Variants in HSF4 observed in about 807,000 individuals in gnomAD.
HSF4 encodes heat shock transcription factor 4.
In HSF4, 41 loss-of-function variants were observed where a neutral mutation model predicts 52.0. The observed-to-expected ratio is 0.79, with a 90% CI of 0.61 to 1.02. The LOEUF (loss-of-function observed/expected upper bound fraction) is 1.02, where lower values mean the gene tolerates loss of function less well. Among genes scored for constraint, HSF4 ranks in the 50% least tolerant of loss-of-function variants. The pLI is 0.00. For synonymous variants in HSF4, 285 were observed against 273.0 expected, an observed-to-expected ratio of 1.04 and a Z score of -0.43; for missense variants, 610 against 651.1, an observed-to-expected ratio of 0.94 and a Z score of 0.69.
rs894187661 is a variant in HSF4 at position 67,165,251 on chromosome 16, C to A, written c.124-271C>A. On this transcript the variant is annotated intron_variant, in intron 1 of 12. Coordinates refer to ENST00000521374, the MANE Select transcript of HSF4 (RefSeq NM_001374675.1). This position sits in a 1 kb window ranked among gnomAD's most constrained non-coding sequence, Gnocchi z 6.9. ...GCTGGTCTAGCTCAGGGTCACATTGCGGGGCTGGGAACCCCGTCAGCCTCT... is the reference window on the plus strand; with the variant it reads ...GCTGGTCTAGCTCAGGGTCACATTGAGGGGCTGGGAACCCCGTCAGCCTCT... 1.7e-6 allele frequency: 1 copy of A among 594,508 alleles called. No homozygotes were observed. Among genetic ancestry groups the A allele is most frequent in the Non-Finnish European group, 3.0e-6 (1 of 334,072 alleles). 36.8% of individuals were successfully genotyped at this position (594,508 alleles called of 1,614,324 possible).
upstream of HSF4, chr16:67,163,778 C>G: frequency 6.4e-7 from 1 of 1,570,772 alleles, no homozygotes; most frequent in South Asian, 1.2e-5. Context: ...CCCTCAAGCT[C>G]ACGCGCGAGC....
At position 67,169,733 on chromosome 16, in the gene HSF4, C is replaced by A; in HGVS notation, c.1427C>A (p.Pro476His). The change falls in exon 13 of 13, where the codon CCT becomes CAT. Residue 476 changes from proline (P) to histidine (H), a missense_variant. Pro to His is a moderately conservative substitution (Grantham distance 77). Coordinates refer to ENST00000521374, the MANE Select transcript of HSF4 (RefSeq NM_001374675.1). This position sits in a 1 kb window ranked among gnomAD's most constrained non-coding sequence, Gnocchi z 4.3. ...LPGALTIYST[P>H]ESRTASYLGP... Reference sequence around the variant, plus strand: ...GGGGCTTTAACCATTTATAGCACTCCTGAGAGCCGGACTGCCTCCTACTTG... The same window carrying A: ...GGGGCTTTAACCATTTATAGCACTCATGAGAGCCGGACTGCCTCCTACTTG... 1 of 1,613,134 alleles carries A rather than the reference C, an allele frequency of 6.2e-7. No homozygotes were observed. Among genetic ancestry groups the A allele is most frequent in the South Asian group, 1.1e-5 (1 of 91,084 alleles).
chr16:67,169,934 T>C lies in HSF4; in HGVS notation c.*149T>C. The C allele has an allele frequency of 1.3e-6, 1 of 745,682 alleles. No individual in the cohort carries two copies. Among genetic ancestry groups the C allele is most frequent in the Middle Eastern group, 3.4e-4 (1 of 2,962 alleles). The allele number at this position is 745,682 out of a possible 1,614,324, so 46.2% of individuals were successfully genotyped here. On this transcript the variant is annotated 3_prime_UTR_variant, in exon 13 of 13. Coordinates refer to ENST00000521374, the MANE Select transcript of HSF4 (RefSeq NM_001374675.1). The surrounding 1 kb of genome is among the most constrained non-coding windows in gnomAD (Gnocchi z 4.3). ...GACTATCCCTGCACATAAACTCCGT[T>C]TTTTTTTTTTCTGTTTCTGGTCTCT...
In HSF4 at chr16:67,169,770, C is replaced by T. The variant is rs1284833196; in HGVS notation, c.1464C>T (p.Ala488=). ...SRTASYLGPE[A]SPSP ...CTGCCTCCTACTTGGGCCCGGAAGC[C>T]AGTCCCTCCCCCTAAGACCCCGCGC... is the stretch of plus-strand genomic sequence containing the variant. Residue 488 remains alanine, a synonymous_variant, in exon 13 of 13, where the codon GCC becomes GCT. Transcript: ENST00000521374. This position sits in a 1 kb window ranked among gnomAD's most constrained non-coding sequence, Gnocchi z 4.3. The T allele has an allele frequency of 1.2e-6, 2 of 1,613,026 alleles. No individual in the cohort carries two copies. Among genetic ancestry groups the T allele is most frequent in the African/African-American group, 1.3e-5 (1 of 74,924 alleles).
chr16:67,165,220 G>A lies in HSF4; in HGVS notation c.123+286G>A, dbSNP rs947208597. The A allele has an allele frequency of 1.7e-6, 1 of 592,074 alleles. No individual in the cohort carries two copies. 36.7% of individuals were successfully genotyped at this position (592,074 alleles called of 1,614,324 possible). On this transcript the variant is annotated intron_variant, in intron 1 of 12. Transcript: ENST00000521374. The surrounding 1 kb of genome is among the most constrained non-coding windows in gnomAD (Gnocchi z 6.9). The stretch of plus-strand genomic sequence containing the variant: ...ATGGGAAAACAGAGGCCGGGAGATG[G>A]GAAGGGCTGGTCTAGCTCAGGGTCA...
chr16:67,169,619 C>T lies in HSF4; in HGVS notation c.1325-12C>T, dbSNP rs770021472. 1.2e-5 allele frequency: 19 copies of T among 1,605,196 alleles called. No individual in the cohort carries two copies. Among genetic ancestry groups the T allele is most frequent in the Non-Finnish European group, 1.6e-5 (19 of 1,179,932 alleles). On this transcript the variant is annotated splice_polypyrimidine_tract_variant and intron_variant, in intron 12 of 12. Transcript: ENST00000521374. The surrounding 1 kb of genome is among the most constrained non-coding windows in gnomAD (Gnocchi z 4.3). Reference sequence around the variant, plus strand: ...ACATTTCCCCTGGTGAGCGCAGTCCCACTTCTCCTAGGGAAGGACCCCACG... The same window carrying T: ...ACATTTCCCCTGGTGAGCGCAGTCCTACTTCTCCTAGGGAAGGACCCCACG...
Position 67,165,434 on chromosome 16 carries a change from C to G in HSF4, c.124-88C>G. Reference sequence around the variant, plus strand: ...CCAAGAGTGAGCATGAGTGTGTGCGCGCGCTGGAGCGCAGGACTGGCCGTG... The same window carrying G: ...CCAAGAGTGAGCATGAGTGTGTGCGGGCGCTGGAGCGCAGGACTGGCCGTG... On this transcript the variant is annotated intron_variant, in intron 1 of 12. Transcript: ENST00000521374. The surrounding 1 kb of genome is among the most constrained non-coding windows in gnomAD (Gnocchi z 6.9). 5 of 1,197,702 alleles carry G rather than the reference C, an allele frequency of 4.2e-6. No homozygotes were observed. Among genetic ancestry groups the G allele is most frequent in the African/African-American group, 1.5e-5 (1 of 66,568 alleles). The allele number at this position is 1,197,702 out of a possible 1,614,324, so 74.2% of individuals were successfully genotyped here.
intron 7 of HSF4, 96 bp downstream of exon 7, chr16:67,167,318 G>A (rs1183230219): frequency 1.2e-6 from 2 of 1,608,892 alleles, no homozygotes; most frequent in Non-Finnish European, 1.7e-6. Context: ...GAAGATGGAA[G>A]CCAGCCTTCC....
chr16:67,168,726 A>G lies in HSF4; in HGVS notation c.1083-105A>G, dbSNP rs370856763. ...GGAGAGAGGATGGGGATCCTCTCCT[A>G]TCATTTTCTAAAGATTGGGGGATTA... On this transcript the variant is annotated intron_variant, in intron 9 of 12. Transcript: ENST00000521374. 3.5e-6 allele frequency: 3 copies of G among 862,532 alleles called. No individual in the cohort carries two copies. In the Admixed American group the frequency reaches 5.3e-5, roughly 15 times the overall value. The allele number at this position is 862,532 out of a possible 1,614,324, so 53.4% of individuals were successfully genotyped here. A position where few individuals can be genotyped will look rare whatever the true frequency, so the allele number is the denominator to read the frequency against.
Position 67,169,241 on chromosome 16 carries a change from G to A in HSF4, c.1255-38G>A. Reference sequence around the variant, plus strand: ...TCCCAGCTGTCCCCCTCAGCTGCTAGGTCCCCTCCCCAGCTGCTCCCTGCG... The same window carrying A: ...TCCCAGCTGTCCCCCTCAGCTGCTAAGTCCCCTCCCCAGCTGCTCCCTGCG... On this transcript the variant is annotated intron_variant, in intron 11 of 12. Coordinates refer to ENST00000521374, the MANE Select transcript of HSF4 (RefSeq NM_001374675.1). The surrounding 1 kb of genome is among the most constrained non-coding windows in gnomAD (Gnocchi z 4.3). 6.2e-7 allele frequency: 1 copy of A among 1,612,112 alleles called. No individual in the cohort carries two copies.
rs1414986238 is a variant in HSF4 at position 67,166,575 on chromosome 16, T to C, written c.579T>C (p.Phe193=). The change falls in exon 6 of 13, where the codon TTT becomes TTC. Residue 193 remains phenylalanine, a synonymous_variant. Transcript: ENST00000521374. ...RVIGKLIQCL[F]GPLQAGPSNA... The stretch of plus-strand genomic sequence containing the variant: ...CTCTTCAGCTGATCCAGTGTCTCTT[T>C]GGGCCACTTCAGGCGGGGCCGAGCA... 3.1e-6 allele frequency: 5 copies of C among 1,613,806 alleles called. No individual in the cohort carries two copies. Among genetic ancestry groups the C allele is most frequent in the Non-Finnish European group, 4.2e-6 (5 of 1,179,988 alleles).
At position 67,169,693 on chromosome 16, in the gene HSF4, G is replaced by T. The variant is rs199510350; in HGVS notation, c.1387G>T (p.Ala463Ser). The change falls in exon 13 of 13, where the codon GCC becomes TCC. Residue 463 changes from alanine (A) to serine (S), a missense_variant. Transcript: ENST00000521374. This position sits in a 1 kb window ranked among gnomAD's most constrained non-coding sequence, Gnocchi z 4.3. ...LDVQAALGGPALGLPGALTIY... is the reference protein window; with the variant it reads ...LDVQAALGGPSLGLPGALTIY... The stretch of plus-strand genomic sequence containing the variant: ...TGTCCAGGCGGCCTTGGGAGGCCCA[G>T]CCCTGGGCCTGCCTGGGGCTTTAAC... 1.2e-6 allele frequency: 2 copies of T among 1,612,780 alleles called. No individual in the cohort carries two copies. The highest frequency in any genetic ancestry group is 1.7e-6 in the Non-Finnish European group (2 of 1,179,982).
Position 67,165,595 on chromosome 16 carries a change from G to C in HSF4, c.197G>C (p.Ser66Thr). The change falls in exon 2 of 13, where the codon AGC becomes ACC. Residue 66 changes from serine (S) to threonine (T), a missense_variant. Ser to Thr is a moderately conservative substitution (Grantham distance 58). Transcript: ENST00000521374. This position sits in a 1 kb window ranked among gnomAD's most constrained non-coding sequence, Gnocchi z 6.9. The part of the protein sequence containing the change: ...KEVLPQYFKH[S>T]NMASFVRQLN... ...GTGCTGCCCCAGTATTTCAAGCATAGCAACATGGCGAGCTTCGTGCGCCAA... is the reference window on the plus strand; with the variant it reads ...GTGCTGCCCCAGTATTTCAAGCATACCAACATGGCGAGCTTCGTGCGCCAA... 6.2e-7 allele frequency: 1 copy of C among 1,613,240 alleles called. No individual in the cohort carries two copies. The highest frequency in any genetic ancestry group is 8.5e-7 in the Non-Finnish European group (1 of 1,179,924).
chr16:67,166,102 G>T, intron 4 of HSF4, 32 bp downstream of exon 4: 1 of 1,465,566 alleles, frequency 6.8e-7, no homozygotes, highest in South Asian at 1.2e-5. Context: ...GAGGGGACAG[G>T]GGTGGGGGGT....
In HSF4 at chr16:67,167,895, C is replaced by T. The variant is rs932918368; in HGVS notation, c.1030C>T (p.Pro344Ser). Residue 344 changes from proline (P) to serine (S), a missense_variant, in exon 9 of 13, where the codon CCC becomes TCC. Physicochemically the swap from Pro to Ser is moderately conservative, Grantham distance 74. Transcript: ENST00000521374. ...EGKGSFSPEGPRNAQQPEPGD... is the reference protein window; with the variant it reads ...EGKGSFSPEGSRNAQQPEPGD... ...GAAAGGGAGCTTCAGCCCCGAGGGG[C>T]CCAGGAATGCCCAACAGCCTGAACC... The T allele has an allele frequency of 1.2e-6, 2 of 1,604,712 alleles. No individual in the cohort carries two copies. Among genetic ancestry groups the T allele is most frequent in the Admixed American group, 1.7e-5 (1 of 59,302 alleles).
In HSF4 at chr16:67,166,637, C is replaced by A. The variant is rs752383385; in HGVS notation, c.626+15C>A. 3.3e-5 allele frequency: 53 copies of A among 1,612,318 alleles called. 3 individuals carry two copies. In the South Asian group the frequency reaches 5.7e-4, roughly 17 times the overall value. On this transcript the variant is annotated intron_variant, in intron 6 of 12. Transcript: ENST00000521374. ...AAGAGAAAGCTGTGAGTGAGAAAGC[C>A]AAGAAGGCCCACACCCACTTCCAAG... is the stretch of plus-strand genomic sequence containing the variant.
chr16:67,166,840 A>C (rs752163132), intron 6 of HSF4, among the ~76,000 whole-genome samples: 2 of 151,422 alleles, frequency 1.3e-5, no homozygotes, highest in Non-Finnish European at 2.9e-5. Flanking sequence ...CTTATTCCCA[A>C]ATTCCTACCC....
At chr16:67,164,134 G>A (rs768583061), upstream of HSF4, 9 of 650,134 alleles carry the variant, frequency 1.4e-5, no homozygotes, top group South Asian at 1.2e-4. Context: ...GGCGCGGGCC[G>A]GGCCTCAAGG....
At chr16:67,164,568 A>ACCCCCCCCCC, upstream of HSF4, 1 of 170,374 alleles carries the variant, frequency 5.9e-6, no homozygotes, top group Non-Finnish European at 1.2e-5. Context: ...ACCCCACCCC[A>ACCCCCCCCCC]CTCCACCCCA....
Sources: gnomAD v4.1 joint callset for allele counts (sites outside exome capture counted in the v4.1 genomes callset) on GRCh38, gnomAD v4.1.1 for gene constraint, Gnocchi (gnomAD v3.1) non-coding constraint, MANE v1.5 for transcripts, NCBI Gene and HGNC (gene_info 2026-07-23, HGNC 2026-07-21) for gene names.